Variants in HECW2 observed in about 807,000 individuals in gnomAD.
HECW2 encodes the protein E3 ubiquitin-protein ligase HECW2.
In HECW2, 61 loss-of-function variants were observed where a neutral mutation model predicts 175.2. That is an observed-to-expected ratio of 0.35 (90% CI 0.28 to 0.43). HECW2 has a LOEUF of 0.43. HECW2 is among the 20% of genes least tolerant of loss of function. The pLI is 1.00. For synonymous variants in HECW2, 671 were observed against 731.0 expected (o/e 0.92, Z 1.32); for missense variants, 1,524 against 2,000.5 (o/e 0.76, Z 4.54).
chr2:196,373,357 T>C (rs1051195655), intron 2 of HECW2, among the ~76,000 whole-genome samples: 1 of 152,242 alleles, frequency 6.6e-6, no homozygotes, highest in Admixed American at 6.5e-5. Context: ...TAATTTCTTT[T>C]AGTGTACCAC....
intron 1 of HECW2, among the ~76,000 whole-genome samples, chr2:196,562,699 G>C (rs1439432111): frequency 6.6e-6 from 1 of 152,146 alleles, no homozygotes; most frequent in East Asian, 1.9e-4. Context: ...ATTCACAGAG[G>C]TTCCCAGGAG....
At chr2:196,274,747 T>C (rs964544725) in intron 15 of HECW2, among the ~76,000 whole-genome samples, 1 of 152,198 alleles carries the variant, frequency 6.6e-6, no homozygotes, top group Non-Finnish European at 1.5e-5. Flanking sequence ...AGGAGCTAAA[T>C]AGGGTTGTCC....
chr2:196,273,974 G>C, intron 16 of HECW2, 47 bp downstream of exon 16: 1 of 1,369,426 alleles, frequency 7.3e-7, no homozygotes. Context: ...ACATGGTACA[G>C]ATAATGGCAC....
At chr2:196,212,144 A>AT (rs1193503965) in intron 28 of HECW2, among the ~76,000 whole-genome samples, 9 of 151,960 alleles carry the variant, frequency 5.9e-5, no homozygotes, top group African/African-American at 1.9e-4. Context: ...GCCAGGATTC[A>AT]TTTTTTAAGT....
intron 13 of HECW2, among the ~76,000 whole-genome samples, chr2:196,299,324 TAA>T (rs1451464938): frequency 2.7e-5 from 2 of 74,966 alleles, no homozygotes; most frequent in South Asian, 5.0e-4. Context: ...GAAAACAAAA[TAA>T]GTTAAAAAAA....
intron 1 of HECW2, among the ~76,000 whole-genome samples, chr2:196,581,745 A>G (rs1374541468): frequency 6.6e-6 from 1 of 152,094 alleles, no homozygotes; most frequent in Non-Finnish European, 1.5e-5. Flanking sequence ...ATTGATTTGG[A>G]CTATGATAGA....
chr2:196,286,632 A>G (rs1690401333), intron 14 of HECW2, among the ~76,000 whole-genome samples: 1 of 152,106 alleles, frequency 6.6e-6, no homozygotes, highest in South Asian at 2.1e-4. Context: ...TTTCTAACAT[A>G]TTTTTACCTT....
intron 28 of HECW2, among the ~76,000 whole-genome samples, chr2:196,208,897 G>C (rs566403987): frequency 6.6e-6 from 1 of 152,280 alleles, no homozygotes; most frequent in East Asian, 1.9e-4. Context: ...AAGGGAGGGA[G>C]GTGACCTTGA....
chr2:196,325,262 C>G, intron 5 of HECW2, 113 bp from the exon 6 acceptor site: 1 of 684,464 alleles, frequency 1.5e-6, no homozygotes, highest in Non-Finnish European at 2.3e-6. Flanking sequence ...TTCATATGTC[C>G]TGATTAGAAC....
intron 2 of HECW2, among the ~76,000 whole-genome samples, chr2:196,390,805 A>G (rs752418229): frequency 6.6e-6 from 1 of 152,204 alleles, no homozygotes; most frequent in African/African-American, 2.4e-5. Flanking sequence ...AAGACATCAC[A>G]ACAGGCAGGA....
At chr2:196,446,441 C>G (rs1161567707) in intron 1 of HECW2, among the ~76,000 whole-genome samples, 1 of 152,148 alleles carries the variant, frequency 6.6e-6, no homozygotes, top group Non-Finnish European at 1.5e-5. Context: ...ATCTCCTCCC[C>G]CTAGAATGTA....
At chr2:196,472,660 T>C (rs1041735248) in intron 1 of HECW2, among the ~76,000 whole-genome samples, 5 of 151,960 alleles carry the variant, frequency 3.3e-5, no homozygotes, top group Admixed American at 2.6e-4. Context: ...TCACTCTGGT[T>C]GCCCAGGCTG....
intron 13 of HECW2, among the ~76,000 whole-genome samples, chr2:196,293,616 CA>C (rs1690689600): frequency 6.6e-6 from 1 of 152,164 alleles, no homozygotes; most frequent in South Asian, 2.1e-4. Flanking sequence ...TACTAAAGAA[CA>C]AACATGTTGT....
At chr2:196,475,740 G>A (rs922189199) in intron 1 of HECW2, among the ~76,000 whole-genome samples, 3 of 152,210 alleles carry the variant, frequency 2.0e-5, no homozygotes, top group Non-Finnish European at 4.4e-5. Flanking sequence ...GCCTCTGTTG[G>A]TTATCTGCCC....
At chr2:196,387,478 C>T (rs1322145803) in intron 2 of HECW2, among the ~76,000 whole-genome samples, 1 of 152,144 alleles carries the variant, frequency 6.6e-6, no homozygotes, top group African/African-American at 2.4e-5. Flanking sequence ...TCACTGGACA[C>T]CGAATCTGCT....
intron 14 of HECW2, chr2:196,292,079 G>A (rs1459577471): frequency 6.5e-6 from 1 of 152,996 alleles, no homozygotes; most frequent in Admixed American, 6.5e-5. Context: ...TGGTTAATGT[G>A]CTAACAAAAT....
At chr2:196,426,504 T>G (rs1695551228) in intron 2 of HECW2, among the ~76,000 whole-genome samples, 1 of 152,178 alleles carries the variant, frequency 6.6e-6, no homozygotes. Context: ...TTAGTGATGT[T>G]GATTTTTTTT....
chr2:196,372,372 G>A (rs1693930972), intron 2 of HECW2, among the ~76,000 whole-genome samples: 1 of 152,192 alleles, frequency 6.6e-6, no homozygotes, highest in African/African-American at 2.4e-5. Context: ...CAGTATTAAA[G>A]TTAAATGTTA....
intron 1 of HECW2, among the ~76,000 whole-genome samples, chr2:196,527,126 C>G (rs1260124273): frequency 4.6e-5 from 7 of 152,304 alleles, no homozygotes; most frequent in Non-Finnish European, 7.3e-5. Flanking sequence ...TAGCAATCAG[C>G]GAGACTCCGT....
Sources: gnomAD v4.1 joint callset for allele counts (sites outside exome capture counted in the v4.1 genomes callset) on GRCh38, gnomAD v4.1.1 for gene constraint, MANE v1.5 for transcripts, NCBI Gene and HGNC (gene_info 2026-07-23, HGNC 2026-07-21) for gene names.